Variants in PLEKHA5 observed in about 807,000 individuals in gnomAD.
The protein encoded by PLEKHA5 is pleckstrin homology domain-containing family A member 5.
A neutral mutation model predicts 181.9 loss-of-function variants in PLEKHA5; 55 were observed. That is an observed-to-expected ratio of 0.30 (90% CI 0.24 to 0.38). PLEKHA5 has a LOEUF of 0.38. PLEKHA5 is among the 10% of genes least tolerant of loss of function. The pLI is 1.00. For synonymous variants in PLEKHA5, 535 were observed against 529.4 expected (o/e 1.01, Z -0.15); for missense variants, 1,432 against 1,549.5 (o/e 0.92, Z 1.27).
At chr12:19,306,538 C>G (rs770600967) in intron 15 of PLEKHA5, 1 of 747,700 alleles carries the variant, frequency 1.3e-6, no homozygotes, top group African/African-American at 1.7e-5. Context: ...ACGCCGCGAG[C>G]AGCGCCGTGA....
Position 19,336,525 on chromosome 12 carries a change from G to T in PLEKHA5, c.2459G>T (p.Arg820Leu). The change falls in exon 21 of 32, where the codon CGA becomes CTA. Residue 820 changes from arginine to leucine, a missense_variant. Transcript: ENST00000429027. ...ACTTTTTGGTTTTAGGAATTGGAAC[G>T]AGCATGGAGAGAATATGATAAGTTA... ...ELSRATAELE[R>L]AWREYDKLEY... is the part of the protein sequence containing the mutation. 6.3e-7 allele frequency: 1 copy of T among 1,592,704 alleles called. No homozygotes were observed. The highest frequency in any genetic ancestry group is 1.1e-5 in the South Asian group (1 of 89,108).
intron 24 of PLEKHA5, among the ~76,000 whole-genome samples, chr12:19,347,417 T>C (rs1400422418): frequency 6.6e-6 from 1 of 151,976 alleles, no homozygotes; most frequent in Non-Finnish European, 1.5e-5. Context: ...ATAGCATTTT[T>C]CATATTTTCA....
chr12:19,292,404 T>C (rs1199540174), intron 15 of PLEKHA5, among the ~76,000 whole-genome samples: 1 of 152,102 alleles, frequency 6.6e-6, no homozygotes, highest in Non-Finnish European at 1.5e-5. Context: ...CAAGACTCTG[T>C]CTTAAAAATA....
intron 3 of PLEKHA5, chr12:19,200,186 A>G (rs1348501390): frequency 3.3e-6 from 2 of 604,736 alleles, no homozygotes; most frequent in Non-Finnish European, 5.7e-6. Flanking sequence ...GATCCCCTCA[A>G]ATAACCTAAC....
chr12:19,211,804 G>A (rs992669090), intron 3 of PLEKHA5, among the ~76,000 whole-genome samples: 17 of 152,150 alleles, frequency 1.1e-4, no homozygotes, highest in African/African-American at 3.9e-4. Flanking sequence ...GAAGAAAGCC[G>A]AAACAGAGAA....
At chr12:19,324,543 T>C (rs1046377741) in intron 20 of PLEKHA5, among the ~76,000 whole-genome samples, 69 of 152,234 alleles carry the variant, frequency 4.5e-4, no homozygotes, top group African/African-American at 1.6e-3. Flanking sequence ...ACCACATTTC[T>C]GAAGATTTAG....
intron 13 of PLEKHA5, among the ~76,000 whole-genome samples, chr12:19,288,347 C>T (rs1056065131): frequency 5.9e-5 from 9 of 152,284 alleles, no homozygotes; most frequent in African/African-American, 2.2e-4. Context: ...TTTACCATTA[C>T]CATTTCATTG....
chr12:19,358,781 C>T (rs1477105822), intron 27 of PLEKHA5, among the ~76,000 whole-genome samples: 1 of 152,096 alleles, frequency 6.6e-6, no homozygotes, highest in African/African-American at 2.4e-5. Flanking sequence ...CCAAGATAGT[C>T]CCCAATTCCC....
At chr12:19,348,844 C>CTCCTG (rs1288497837) in intron 25 of PLEKHA5, among the ~76,000 whole-genome samples, 1 of 152,048 alleles carries the variant, frequency 6.6e-6, no homozygotes, top group Non-Finnish European at 1.5e-5. Flanking sequence ...GTGCCTGAAT[C>CTCCTG]CCAGTTACCC....
At chr12:19,248,675 ACC>A in intron 3 of PLEKHA5, among the ~76,000 whole-genome samples, 1 of 152,298 alleles carries the variant, frequency 6.6e-6, no homozygotes, top group Admixed American at 6.5e-5. Flanking sequence ...AGTAGGCAGT[ACC>A]AACTAGGTTT....
chr12:19,279,094 AGATTTTAATAGCATAT>A (rs1188742086), intron 11 of PLEKHA5, among the ~76,000 whole-genome samples: 1 of 152,212 alleles, frequency 6.6e-6, no homozygotes, highest in African/African-American at 2.4e-5. Flanking sequence ...GCCATTGGCT[AGATTTTAATAGCATAT>A]TAAAGAGCTC....
intron 30 of PLEKHA5, among the ~76,000 whole-genome samples, chr12:19,368,061 C>T (rs1008240252): frequency 5.3e-5 from 8 of 151,906 alleles, no homozygotes; most frequent in Non-Finnish European, 1.0e-4. Context: ...ATAAATATAA[C>T]GTGTATGTTA....
At chr12:19,336,763 T>A in intron 21 of PLEKHA5, 147 bp downstream of exon 21, 1 of 567,634 alleles carries the variant, frequency 1.8e-6, no homozygotes, top group Non-Finnish European at 3.1e-6. Context: ...ATGACAGGAA[T>A]CTTACTATCT....
chr12:19,243,871 A>G (rs1458138941), intron 3 of PLEKHA5, among the ~76,000 whole-genome samples: 1 of 152,202 alleles, frequency 6.6e-6, no homozygotes, highest in Non-Finnish European at 1.5e-5. Context: ...AGCACTTTTA[A>G]TGTTTTTCTT....
chr12:19,366,132 T>C, intron 30 of PLEKHA5, 23 bp downstream of exon 30: 1 of 1,571,644 alleles, frequency 6.4e-7, no homozygotes. Context: ...CACTTCATAA[T>C]TTTCTACCTG....
At chr12:19,306,325 G>A (rs1270627129) in intron 15 of PLEKHA5, 6 of 403,416 alleles carry the variant, frequency 1.5e-5, no homozygotes, top group Non-Finnish European at 2.9e-5. Context: ...GGTTGGAGGC[G>A]AGGTGGGGGT....
At chr12:19,302,905 AATTTTTTTTTTTTTTT>A (rs1404870563) in intron 15 of PLEKHA5, among the ~76,000 whole-genome samples, 1 of 106,606 alleles carries the variant, frequency 9.4e-6, no homozygotes, top group African/African-American at 3.8e-5. Flanking sequence ...TTCTGTATGA[AATTTTTTTTTTTTTTT>A]TTTTTTTTTT....
chr12:19,230,689 G>T (rs1187376031), intron 3 of PLEKHA5, among the ~76,000 whole-genome samples: 1 of 152,096 alleles, frequency 6.6e-6, no homozygotes, highest in African/African-American at 2.4e-5. Flanking sequence ...TGAAACTTGC[G>T]CTGGCCCACA....
At chr12:19,198,276 A>G (rs944357007) in intron 3 of PLEKHA5, among the ~76,000 whole-genome samples, 3 of 152,176 alleles carry the variant, frequency 2.0e-5, no homozygotes, top group African/African-American at 7.2e-5. Flanking sequence ...CTACTTCTAC[A>G]GCTGTTTTCC....
Sources: gnomAD v4.1 joint callset for allele counts (sites outside exome capture counted in the v4.1 genomes callset) on GRCh38, gnomAD v4.1.1 for gene constraint, MANE v1.5 for transcripts, NCBI Gene and HGNC (gene_info 2026-07-23, HGNC 2026-07-21) for gene names.